AP1G1: variants seen among roughly 807,000 people sequenced by gnomAD.
AP1G1 encodes AP-1 complex subunit gamma-1.
A neutral mutation model predicts 108.3 loss-of-function variants in AP1G1; 7 were observed. The ratio of observed to expected loss-of-function variants is 0.06; its 90% CI spans 0.04 to 0.12. The LOEUF is 0.12. Among genes scored for constraint, AP1G1 ranks in the 10% least tolerant of loss-of-function variants. The pLI, the probability that AP1G1 is intolerant of heterozygous loss-of-function variation, is 1.00. For synonymous variants in AP1G1, 379 were observed against 353.5 expected, an observed-to-expected ratio of 1.07 and a Z score of -0.81; for missense variants, 756 against 1,010.7, an observed-to-expected ratio of 0.75 and a Z score of 3.42.
chr16:71,781,352 C>A (rs1044652783), intron 2 of AP1G1, among the ~76,000 whole-genome samples: 1 of 152,158 alleles, frequency 6.6e-6, no homozygotes, highest in Admixed American at 6.5e-5. Context: ...ATGAAATATT[C>A]CACTCAAAAT....
intron 2 of AP1G1, among the ~76,000 whole-genome samples, chr16:71,780,497 TAA>T (rs537929533): frequency 3.7e-4 from 48 of 129,716 alleles, no homozygotes; most frequent in East Asian, 4.4e-4. Context: ...TCTCTTAATT[TAA>T]AAAAAAAAAA....
At chr16:71,795,435 G>T (rs2142268184) in intron 1 of AP1G1, among the ~76,000 whole-genome samples, 1 of 152,312 alleles carries the variant, frequency 6.6e-6, no homozygotes, top group Non-Finnish European at 1.5e-5. Context: ...ATTGACTACT[G>T]TGTCAGTCAC....
intron 19 of AP1G1, chr16:71,743,427 C>T (rs894883369): frequency 2.0e-5 from 3 of 152,048 alleles, no homozygotes; most frequent in African/African-American, 7.2e-5. Flanking sequence ...GACAGCAAAA[C>T]CCCGTCTCTA....
chr16:71,746,841 T>C (rs1405447084), intron 16 of AP1G1, 149 bp from the exon 17 acceptor site: 6 of 574,998 alleles, frequency 1.0e-5, no homozygotes, highest in Non-Finnish European at 1.8e-5. Flanking sequence ...AACAAAACAC[T>C]TTACTTTCAT....
At chr16:71,782,299 G>A (rs549687462) in intron 2 of AP1G1, among the ~76,000 whole-genome samples, 1 of 151,894 alleles carries the variant, frequency 6.6e-6, no homozygotes, top group African/African-American at 2.4e-5. Context: ...GAATACCTGG[G>A]ATTACAGGTA....
chr16:71,739,652 T>C (rs2045593182), intron 19 of AP1G1, among the ~76,000 whole-genome samples: 1 of 151,122 alleles, frequency 6.6e-6, no homozygotes, highest in South Asian at 2.1e-4. Flanking sequence ...CTTGGGAGAC[T>C]GCAGTGGGAG....
At position 71,741,559 on chromosome 16, in the gene AP1G1, G is replaced by T. The variant is rs147491020; in HGVS notation, c.2000-2218C>A. Among the ~76,000 whole-genome samples the T allele has an allele frequency of 3.7e-4, 56 of 152,200 alleles. 1 individual carries two copies. The East Asian group carries it at 0.01, about 27-fold the overall frequency. On this transcript the variant is annotated intron_variant, in intron 19 of 22. Transcript: ENST00000299980. Reference sequence around the variant, plus strand: ...GATCACACCATTGCACTCCAGCCTGGGTGACAGAGCAAGACACCATCTCAA... The same window carrying T: ...GATCACACCATTGCACTCCAGCCTGTGTGACAGAGCAAGACACCATCTCAA...
intron 13 of AP1G1, chr16:71,753,539 G>A: frequency 2.8e-6 from 1 of 356,354 alleles, no homozygotes. Flanking sequence ...TCTCTGCATG[G>A]CTTGCACCTC....
chr16:71,783,399 T>C (rs2032093786), intron 2 of AP1G1, among the ~76,000 whole-genome samples: 2 of 151,878 alleles, frequency 1.3e-5, no homozygotes, highest in Non-Finnish European at 2.9e-5. Context: ...AAAAATCAAT[T>C]ATATCACTAC....
chr16:71,784,445 A>G (rs1372433123), intron 2 of AP1G1, among the ~76,000 whole-genome samples: 1 of 152,164 alleles, frequency 6.6e-6, no homozygotes, highest in African/African-American at 2.4e-5. Context: ...CTTATGCTCT[A>G]AATGCTTCCT....
intron 2 of AP1G1, among the ~76,000 whole-genome samples, chr16:71,779,480 A>G (rs1156971918): frequency 6.6e-6 from 1 of 151,992 alleles, no homozygotes; most frequent in Non-Finnish European, 1.5e-5. Flanking sequence ...AGCTGGAACT[A>G]CAGATGCGTG....
intron 12 of AP1G1, among the ~76,000 whole-genome samples, chr16:71,754,769 C>T (rs190690648): frequency 6.6e-6 from 1 of 152,098 alleles, no homozygotes; most frequent in East Asian, 1.9e-4. Flanking sequence ...CACTGCCCTC[C>T]AGCCTGGGTG....
At chr16:71,767,058 G>GT (rs1292205662) in intron 6 of AP1G1, among the ~76,000 whole-genome samples, 1 of 151,896 alleles carries the variant, frequency 6.6e-6, no homozygotes, top group African/African-American at 2.4e-5. Context: ...CCAATGGTCT[G>GT]TTTTTTTTGT....
rs1196569287 is a variant in AP1G1, at chr16:71,750,221, C to T, written c.1396G>A (p.Asp466Asn). 1 of 1,613,754 alleles carries T rather than the reference C, an allele frequency of 6.2e-7. No individual in the cohort carries two copies. The highest frequency in any genetic ancestry group is 2.2e-5 in the East Asian group (1 of 44,866). The part of the protein sequence containing the change: ...VQRLYKAILG[D>N]YSQQPLVQVA... ...AATGAAGTACTTACTTGAGAATAAT[C>T]ACCAAGAATTGCTTTGTACAGGCGC... Residue 466 changes from aspartate to asparagine, a missense_variant, in exon 14 of 23, where the codon GAT (aspartate) becomes AAT (asparagine). Physicochemically the swap from Asp to Asn is conservative, Grantham distance 23. Around this residue, in one of 3 missense-constraint regions of AP1G1, gnomAD observed 357 missense variants for 366.5 expected, o/e 0.97. Coordinates refer to ENST00000299980, the MANE Select transcript of AP1G1 (RefSeq NM_001128.6).
At chr16:71,768,553 C>T (rs765226605) in intron 6 of AP1G1, among the ~76,000 whole-genome samples, 32 of 143,210 alleles carry the variant, frequency 2.2e-4, no homozygotes, top group Non-Finnish European at 3.3e-4. Context: ...ACTTCCATCA[C>T]AGGAGTCAAT....
intron 19 of AP1G1, chr16:71,742,613 A>C (rs113636654): frequency 3.3e-5 from 5 of 152,292 alleles, no homozygotes; most frequent in African/African-American, 1.2e-4. Flanking sequence ...AATTAATCTA[A>C]AATAAGAACA....
intron 6 of AP1G1, among the ~76,000 whole-genome samples, chr16:71,768,658 G>C (rs918288219): frequency 7.3e-5 from 11 of 151,590 alleles, no homozygotes; most frequent in Non-Finnish European, 2.9e-5. Context: ...GCTCACGCCT[G>C]TAATCACAGC....
At position 71,732,886 on chromosome 16, in the gene AP1G1, G is replaced by T; in HGVS notation, c.*172C>A. 1 of 583,628 alleles carries T rather than the reference G, an allele frequency of 1.7e-6. No homozygotes were observed. Among genetic ancestry groups the T allele is most frequent in the Non-Finnish European group, 3.0e-6 (1 of 329,868 alleles). The allele number at this position is 583,628 out of a possible 1,614,324, so 36.2% of individuals were successfully genotyped here. A position where few individuals can be genotyped will look rare whatever the true frequency, so the allele number is the denominator to read the frequency against. Reference sequence around the variant, plus strand: ...CTCAACAGTGGAGGAGAGGACATTAGTCTTTAACAATGCTTCAAGGTCAGC... The same window carrying T: ...CTCAACAGTGGAGGAGAGGACATTATTCTTTAACAATGCTTCAAGGTCAGC... On this transcript the variant is annotated 3_prime_UTR_variant, in exon 23 of 23. Transcript: ENST00000299980.
intron 12 of AP1G1, among the ~76,000 whole-genome samples, chr16:71,755,426 G>C (rs1261157678): frequency 6.6e-6 from 1 of 151,992 alleles, no homozygotes; most frequent in Non-Finnish European, 1.5e-5. Context: ...GACAAAGTGA[G>C]ACCCTGTCTC....
Sources: allele counts gnomAD v4.1 joint callset (sites outside exome capture counted in the v4.1 genomes callset), GRCh38; gene constraint gnomAD v4.1.1; regional missense constraint gnomAD v4.1.1; transcripts MANE v1.5; gene names NCBI Gene and HGNC (gene_info 2026-07-23, HGNC 2026-07-21).